CAMK2D: variants seen among roughly 807,000 people sequenced by gnomAD.
CAMK2D encodes calcium/calmodulin-dependent protein kinase type II subunit delta.
Under a neutral mutation model 84.0 loss-of-function variants are expected in CAMK2D, and 37 were observed. The ratio of observed to expected loss-of-function variants is 0.44; its 90% CI spans 0.34 to 0.58. The LOEUF (loss-of-function observed/expected upper bound fraction) is 0.58, where lower values mean the gene tolerates loss of function less well. Among genes scored for constraint, CAMK2D ranks in the 20% least tolerant of loss-of-function variants. The pLI, the probability that CAMK2D is intolerant of heterozygous loss-of-function variation, is 0.02. For missense variants in CAMK2D, 448 were observed against 652.5 expected, an observed-to-expected ratio of 0.69 and a Z score of 3.41; for synonymous variants, 202 against 212.5, an observed-to-expected ratio of 0.95 and a Z score of 0.43.
At chr4:113,655,027 T>C (rs2099192612) in intron 3 of CAMK2D, among the ~76,000 whole-genome samples, 2 of 152,038 alleles carry the variant, frequency 1.3e-5, no homozygotes, top group African/African-American at 4.8e-5. Flanking sequence ...CCCATAATAA[T>C]GTACTCAACT....
chr4:113,652,386 T>C (rs536772997), intron 3 of CAMK2D, among the ~76,000 whole-genome samples: 8 of 152,326 alleles, frequency 5.3e-5, no homozygotes, highest in Admixed American at 3.9e-4. Context: ...AATCTAATTT[T>C]TTTTTCTAAT....
rs769923678 is a variant in CAMK2D at position 113,517,638 on chromosome 4, T to G, written c.621A>C (p.Leu207=). 3 of 1,548,656 alleles carry G rather than the reference T, an allele frequency of 1.9e-6. No homozygotes were observed. Among genetic ancestry groups the G allele is most frequent in the Admixed American group, 1.7e-5 (1 of 59,878 alleles). ...CCCAGAAGGGTGGATACCCCACAAG[T>G]AGAATATAGAGAATGACACCTGGAG... ...MWACGVILYI[L]LVGYPPFWDE... Residue 207 remains leucine, a synonymous_variant, in exon 9 of 21, where the codon CTA becomes CTC. Transcript: ENST00000511664.
rs2098501078 is a variant in CAMK2D at position 113,537,450 on chromosome 4, T to G, written c.415-7A>C. The G allele has an allele frequency of 2.6e-6, 4 of 1,550,204 alleles. No individual in the cohort carries two copies. The highest frequency in any genetic ancestry group is 1.7e-5 in the Admixed American group (1 of 58,040). On this transcript the variant is annotated splice_polypyrimidine_tract_variant and splice_region_variant and intron_variant, in intron 6 of 20. Coordinates refer to ENST00000511664, the MANE Select transcript of CAMK2D (RefSeq NM_001321571.2). ...CTAAAAGCAAATTCTCAGGCTTTAT[T>G]TAGAAAGAAAAAAAAAGAGACTGAA...
chr4:113,640,748 T>A (rs574201084), intron 3 of CAMK2D, among the ~76,000 whole-genome samples: 1 of 141,466 alleles, frequency 7.1e-6, no homozygotes, highest in South Asian at 2.1e-4. Context: ...GAAATGACAA[T>A]AGAGTGCTTC....
At position 113,457,359 on chromosome 4, in the gene CAMK2D, G is replaced by A; in HGVS notation, c.1511C>T (p.Ser504Leu). 2 of 1,613,604 alleles carry A rather than the reference G, an allele frequency of 1.2e-6. No individual in the cohort carries two copies. The highest frequency in any genetic ancestry group is 1.7e-6 in the Non-Finnish European group (2 of 1,179,684). The change falls in exon 19 of 21, where the codon TCG becomes TTG. Residue 504 changes from serine (S) to leucine (L), a missense_variant. By Grantham distance (145) the Ser-to-Leu change is moderately radical (BLOSUM62 -2). Around this residue, in one of 7 missense-constraint regions of CAMK2D, gnomAD observed 219 missense variants for 272.1 expected, o/e 0.80. Transcript: ENST00000511664. ...GKWQNVHFHR[S>L]GSPTVPIKPP... ...CTTGATGGGTACTGTTGGTGACCCC[G>A]AGCGATGAAAATGAACATTCTGCCA...
intron 13 of CAMK2D, among the ~76,000 whole-genome samples, chr4:113,509,055 A>C (rs143268096): frequency 1.3e-5 from 2 of 152,258 alleles, no homozygotes; most frequent in African/African-American, 4.8e-5. Flanking sequence ...GAAAGCCAGA[A>C]AGTAAAAATA....
chr4:113,662,894 T>C (rs2099240451), intron 2 of CAMK2D, among the ~76,000 whole-genome samples: 1 of 152,244 alleles, frequency 6.6e-6, no homozygotes, highest in Non-Finnish European at 1.5e-5. Flanking sequence ...TGTGCTATAA[T>C]GAACTGTTGT....
At chr4:113,489,476 T>C (rs2154136610) in intron 16 of CAMK2D, among the ~76,000 whole-genome samples, 2 of 152,162 alleles carry the variant, frequency 1.3e-5, no homozygotes, top group South Asian at 2.1e-4. Flanking sequence ...GAACTCATCA[T>C]TTTTTTATGG....
chr4:113,522,959 GT>G (rs966826422), intron 8 of CAMK2D, among the ~76,000 whole-genome samples: 2 of 152,198 alleles, frequency 1.3e-5, no homozygotes, highest in African/African-American at 4.8e-5. Flanking sequence ...GAGATATTTA[GT>G]CCATGAGGAT....
At chr4:113,608,413 A>G (rs1228696847) in intron 4 of CAMK2D, among the ~76,000 whole-genome samples, 5 of 152,174 alleles carry the variant, frequency 3.3e-5, no homozygotes, top group African/African-American at 1.2e-4. Flanking sequence ...TGGATCCTTA[A>G]GTTGGTTTCT....
chr4:113,648,048 T>C (rs558481314), intron 3 of CAMK2D, among the ~76,000 whole-genome samples: 1 of 152,220 alleles, frequency 6.6e-6, no homozygotes, highest in East Asian at 1.9e-4. Flanking sequence ...TAACTCATTA[T>C]AGCTTTAACA....
At chr4:113,725,981 A>G (rs1471958299) in intron 2 of CAMK2D, among the ~76,000 whole-genome samples, 1 of 152,222 alleles carries the variant, frequency 6.6e-6, no homozygotes. Flanking sequence ...GGTCAACAAC[A>G]GCATTCTAAA....
intron 13 of CAMK2D, 67 bp from the exon 14 acceptor site, chr4:113,505,102 C>T: frequency 2.3e-6 from 2 of 883,228 alleles, no homozygotes; most frequent in Non-Finnish European, 1.8e-6. Context: ...TCTCTAGATG[C>T]AGCATGTCTA....
chr4:113,599,432 C>G (rs2098942076), intron 4 of CAMK2D, among the ~76,000 whole-genome samples: 2 of 152,112 alleles, frequency 1.3e-5, no homozygotes, highest in Admixed American at 6.5e-5. Flanking sequence ...TGAAAGCAGT[C>G]AAGGTGTCTT....
At chr4:113,459,775 C>T (rs531228162) in intron 18 of CAMK2D, among the ~76,000 whole-genome samples, 46 of 151,390 alleles carry the variant, frequency 3.0e-4, no homozygotes, top group African/African-American at 1.0e-3. Flanking sequence ...TACAGGTGTG[C>T]GCCACCATGC....
intron 3 of CAMK2D, among the ~76,000 whole-genome samples, chr4:113,611,068 AC>A (rs2098998294): frequency 6.8e-6 from 1 of 146,882 alleles, no homozygotes; most frequent in Non-Finnish European, 1.5e-5. Flanking sequence ...ACACACACAC[AC>A]ACACACACAA....
chr4:113,688,743 C>T (rs1216702160), intron 2 of CAMK2D, among the ~76,000 whole-genome samples: 1 of 152,080 alleles, frequency 6.6e-6, no homozygotes, highest in African/African-American at 2.4e-5. Context: ...TCCATCACAT[C>T]TTTGCTTTCC....
chr4:113,595,943 T>C (rs537434259), intron 4 of CAMK2D, among the ~76,000 whole-genome samples: 7 of 152,332 alleles, frequency 4.6e-5, no homozygotes, highest in Admixed American at 3.3e-4. Flanking sequence ...ATTGACTTTT[T>C]TTCAGGAAGT....
At chr4:113,705,523 A>G (rs1377452934) in intron 2 of CAMK2D, among the ~76,000 whole-genome samples, 2 of 152,160 alleles carry the variant, frequency 1.3e-5, no homozygotes, top group Non-Finnish European at 2.9e-5. Flanking sequence ...GCCTTCAAGA[A>G]GGAGACAATG....
Sources: gnomAD v4.1 joint callset for allele counts (sites outside exome capture counted in the v4.1 genomes callset) on GRCh38, gnomAD v4.1.1 for gene constraint, gnomAD v4.1.1 regional missense constraint, MANE v1.5 for transcripts, NCBI Gene and HGNC (gene_info 2026-07-23, HGNC 2026-07-21) for gene names.